EVPL: variants seen among roughly 807,000 people sequenced by gnomAD.
EVPL encodes the protein 210 kDa cornified envelope precursor protein.
Under a neutral mutation model 129.7 loss-of-function variants are expected in EVPL, and 94 were observed. That is an observed-to-expected ratio of 0.72 (90% CI 0.61 to 0.86). The LOEUF (loss-of-function observed/expected upper bound fraction) is 0.86. EVPL is among the 40% of genes least tolerant of loss of function. The pLI, the probability that EVPL is intolerant of heterozygous loss-of-function variation, is 0.00. For synonymous variants in EVPL, 1,172 were observed against 1,191.1 expected, an observed-to-expected ratio of 0.98 and a Z score of 0.33; for missense variants, 2,625 against 2,721.1, an observed-to-expected ratio of 0.96 and a Z score of 0.79.
In EVPL at chr17:76,019,017, T is replaced by C; in HGVS notation, c.1181A>G (p.Asp394Gly). ...RLAVTERATG[D>G]LQRRSRDVAP... ...CACATCCCGGCTTCGCCGCTGCAGG[T>C]CCCCAGTGGCCCTCTCGGTGACGGC... is the stretch of plus-strand genomic sequence containing the variant. The change falls in exon 11 of 22, where the codon GAC becomes GGC. Residue 394 changes from aspartate (D) to glycine (G), a missense_variant. By Grantham distance (94) the Asp-to-Gly change is moderately conservative (BLOSUM62 -1). Coordinates refer to ENST00000301607, the MANE Select transcript of EVPL (RefSeq NM_001988.4). The C allele has an allele frequency of 6.4e-7, 1 of 1,571,828 alleles. No homozygotes were observed. Among genetic ancestry groups the C allele is most frequent in the East Asian group, 2.4e-5 (1 of 42,422 alleles).
rs1372962798 is a variant in EVPL at position 76,012,029 on chromosome 17, G to A, written c.2434C>T (p.Gln812Ter). The A allele has an allele frequency of 1.2e-6, 2 of 1,612,824 alleles. No individual in the cohort carries two copies. Among genetic ancestry groups the A allele is most frequent in the Non-Finnish European group, 1.7e-6 (2 of 1,179,696 alleles). Residue 812 changes from glutamine (Q) to a stop codon, truncating the protein, a stop_gained, in exon 19 of 22, where the codon CAG (glutamine) becomes TAG (stop). Coordinates refer to ENST00000301607, the MANE Select transcript of EVPL (RefSeq NM_001988.4). LOFTEE classifies it high-confidence loss of function. ...RDRATASHLS[Q>*]ALQAALQDYE... The stretch of plus-strand genomic sequence containing the variant: ...ACCTGGAGCGCTGCCTGCAGGGCCT[G>A]GGAGAGGTGGGATGCTGTGGCCCTG...
rs775091802 is a variant in EVPL at position 76,015,235 on chromosome 17, C to T, written c.2020G>A (p.Glu674Lys). 3 of 1,594,174 alleles carry T rather than the reference C, an allele frequency of 1.9e-6. No homozygotes were observed. The highest frequency in any genetic ancestry group is 2.2e-5 in the East Asian group (1 of 44,616). Residue 674 changes from glutamate to lysine, a missense_variant, in exon 16 of 22, where the codon GAG (glutamate) becomes AAG (lysine). Physicochemically the swap from Glu to Lys is moderately conservative, Grantham distance 56. Transcript: ENST00000301607. ...CCCGGCTGGTCCCTTACCTGCAGCT[C>T]GCTGACCCTCTCCTGCAGAGCCCCC... ...EPGALQERVSELQRQRRELLE... is the reference protein window; with the variant it reads ...EPGALQERVSKLQRQRRELLE...
chr17:76,021,996 G>T lies in EVPL; in HGVS notation c.678C>A (p.Gly226=), dbSNP rs2066464109. The T allele has an allele frequency of 4.5e-6, 7 of 1,565,490 alleles. No individual in the cohort carries two copies. The highest frequency in any genetic ancestry group is 1.2e-5 in the South Asian group (1 of 86,888). ...KAASWRGQSL[G]SLYTHLQGCT... ...AGCCCTGGAGGTGCGTGTACAGGCT[G>T]CCCAGGCTCTGCCCGCGCCACGACG... The change falls in exon 7 of 22, where the codon GGC becomes GGA. Residue 226 remains glycine, a synonymous_variant. Transcript: ENST00000301607.
At chr17:76,021,596 GC>G (rs200115767) in intron 8 of EVPL, 33 bp from the exon 9 acceptor site, 10 of 1,379,512 alleles carry the variant, frequency 7.2e-6, no homozygotes, top group African/African-American at 3.4e-5. Context: ...CTCGGACCAC[GC>G]CCCCCCCACG....
Position 76,007,237 on chromosome 17 carries a change from GT to G in EVPL, c.5967del (p.Glu1989AspfsTer3). ...EKDLTDPISKERLSYKEAMGR... is the reference protein window; with the variant it reads ...EKDLTDPISKXRLSYKEAMGR... Reference sequence around the variant, plus strand: ...CCCATGGCCTCCTTGTAGCTCAGCCGTTCCTTGGAGATGGGGTCTGTCAAAT... The same window carrying G: ...CCCATGGCCTCCTTGTAGCTCAGCCGTCCTTGGAGATGGGGTCTGTCAAAT... On this transcript the variant is annotated frameshift_variant, in exon 22 of 22. Coordinates refer to ENST00000301607, the MANE Select transcript of EVPL (RefSeq NM_001988.4). LOFTEE classifies it low-confidence loss of function (END_TRUNC). This position sits in a 1 kb window ranked among gnomAD's most constrained non-coding sequence, Gnocchi z 8.8. 1 of 1,569,862 alleles carries G rather than the reference GT, an allele frequency of 6.4e-7. No individual in the cohort carries two copies. The highest frequency in any genetic ancestry group is 8.6e-7 in the Non-Finnish European group (1 of 1,156,504).
intron 14 of EVPL, among the ~76,000 whole-genome samples, chr17:76,016,413 C>T (rs992325352): frequency 2.0e-5 from 3 of 152,202 alleles, no homozygotes; most frequent in Non-Finnish European, 1.5e-5. Context: ...GCACCAGGCA[C>T]CACCCACCGC....
intron 9 of EVPL, among the ~76,000 whole-genome samples, chr17:76,019,873 A>C (rs1382130420): frequency 6.6e-6 from 1 of 152,238 alleles, no homozygotes; most frequent in African/African-American, 2.4e-5. Context: ...AAATCAGCTA[A>C]ACCTAAACCA....
At position 76,009,719 on chromosome 17, in the gene EVPL, C is replaced by A. The variant is rs145575003; in HGVS notation, c.3486G>T (p.Glu1162Asp). 2 of 1,613,526 alleles carry A rather than the reference C, an allele frequency of 1.2e-6. No individual in the cohort carries two copies. Among genetic ancestry groups the A allele is most frequent in the African/African-American group, 2.7e-5 (2 of 74,944 alleles). The change falls in exon 22 of 22, where the codon GAG (glutamate) becomes GAT (aspartate). Residue 1162 changes from glutamate to aspartate, a missense_variant. Coordinates refer to ENST00000301607, the MANE Select transcript of EVPL (RefSeq NM_001988.4). The surrounding 1 kb of genome is among the most constrained non-coding windows in gnomAD (Gnocchi z 5.9). The stretch of plus-strand genomic sequence containing the variant: ...TGGCCAGCGTCGCGTTCTTGGTCCT[C>A]TCCTCCTCGAGGAGGCTCCTCAGCC... ...SSRLRSLLEEERTKNATLARE... is the reference protein window; with the variant it reads ...SSRLRSLLEEDRTKNATLARE...
chr17:76,022,586 C>T lies in EVPL; in HGVS notation c.481-48G>A. ...GTCCCCAAAGGACCGCGGTGGGGAG[C>T]CAGAGAACCCCACACGCCTCCCACC... On this transcript the variant is annotated intron_variant, in intron 4 of 21. Transcript: ENST00000301607. The surrounding 1 kb of genome is among the most constrained non-coding windows in gnomAD (Gnocchi z 5.6). The T allele has an allele frequency of 1.3e-6, 2 of 1,549,264 alleles. No individual in the cohort carries two copies. The highest frequency in any genetic ancestry group is 1.7e-6 in the Non-Finnish European group (2 of 1,147,840).
intron 8 of EVPL, 33 bp from the exon 9 acceptor site, chr17:76,021,596 G>GCCCCCCCCCCCCCGCC (rs200115767): frequency 8.0e-6 from 11 of 1,379,522 alleles, no homozygotes; most frequent in East Asian, 5.5e-5. Flanking sequence ...CTCGGACCAC[G>GCCCCCCCCCCCCCGCC]CCCCCCCCAC....
rs368761757 is a variant in EVPL, at chr17:76,019,585, G to A, written c.1080C>T (p.Tyr360=). 1.2e-5 allele frequency: 20 copies of A among 1,604,130 alleles called. No individual in the cohort carries two copies. Among genetic ancestry groups the A allele is most frequent in the Non-Finnish European group, 1.6e-5 (19 of 1,175,862 alleles). Reference sequence around the variant, plus strand: ...CAGGGGGGCCCCCAGGTGCAGGGCTGTACTTGGCATCCAAGTTGGAGTTGA... The same window carrying A: ...CAGGGGGGCCCCCAGGTGCAGGGCTATACTTGGCATCCAAGTTGGAGTTGA... ...AKLNSNLDAK[Y]SPAPGGPPGA... The change falls in exon 10 of 22, where the codon TAC becomes TAT. Residue 360 remains tyrosine (Y), a synonymous_variant. Transcript: ENST00000301607.
chr17:76,019,439 G>C, intron 10 of EVPL, 89 bp downstream of exon 10: 1 of 1,462,150 alleles, frequency 6.8e-7, no homozygotes, highest in East Asian at 2.5e-5. Flanking sequence ...ATAGGACTAG[G>C]TACCAAGGCA....
chr17:76,019,921 T>C (rs532258256), intron 9 of EVPL, among the ~76,000 whole-genome samples: 2 of 148,294 alleles, frequency 1.3e-5, no homozygotes, highest in African/African-American at 5.1e-5. Flanking sequence ...CCAGCTAAAC[T>C]TAAACCAGCT....
chr17:76,010,475 T>C lies in EVPL; in HGVS notation c.2730A>G (p.Ala910=). 1 of 1,613,900 alleles carries C rather than the reference T, an allele frequency of 6.2e-7. No individual in the cohort carries two copies. Among genetic ancestry groups the C allele is most frequent in the Non-Finnish European group, 8.5e-7 (1 of 1,179,908 alleles). The change falls in exon 22 of 22, where the codon GCA becomes GCG. Residue 910 remains alanine, a synonymous_variant. Coordinates refer to ENST00000301607, the MANE Select transcript of EVPL (RefSeq NM_001988.4). ...AKQGSESPAQ[A]GRESEALKAQ... ...CCTTCAGGGCCTCTGACTCTCTCCC[T>C]GCTTGGGCAGGGCTCTCGGAGCCCT...
chr17:76,022,443 A>G lies in EVPL; in HGVS notation c.576T>C (p.Tyr192=), dbSNP rs1341131721. The G allele has an allele frequency of 6.2e-7, 1 of 1,613,648 alleles. No homozygotes were observed. The highest frequency in any genetic ancestry group is 1.6e-4 in the Middle Eastern group (1 of 6,084). ...HNILQKEIDA[Y]GQQLRSLVGP... ...CCACGAGGCTCCGCAGCTGCTGCCC[A>G]TAGGCGTCGATCTCCTTCTGCAGGA... is the stretch of plus-strand genomic sequence containing the variant. Residue 192 remains tyrosine, a synonymous_variant, in exon 5 of 22, where the codon TAT becomes TAC. Transcript: ENST00000301607. The surrounding 1 kb of genome is among the most constrained non-coding windows in gnomAD (Gnocchi z 5.6).
chr17:76,017,909 G>A lies in EVPL; in HGVS notation c.1540C>T (p.Pro514Ser), dbSNP rs150800577. The A allele has an allele frequency of 1.2e-6, 2 of 1,614,036 alleles. No homozygotes were observed. The highest frequency in any genetic ancestry group is 1.7e-5 in the Admixed American group (1 of 60,032). Residue 514 changes from proline (P) to serine (S), a missense_variant and splice_region_variant, in exon 14 of 22, where the codon CCA (proline) becomes TCA (serine). Physicochemically the swap from Pro to Ser is moderately conservative, Grantham distance 74. Coordinates refer to ENST00000301607, the MANE Select transcript of EVPL (RefSeq NM_001988.4). ...VESLRPSQQA[P>S]SGSDLANPQA... ...GGGTTGGCCAGGTCTGAGCCAGATG[G>A]AGCTGGGGGCAGAGGTGCTGGTGAG...
chr17:76,011,683 G>A lies in EVPL; in HGVS notation c.2569-15C>T. 3 of 1,613,566 alleles carry A rather than the reference G, an allele frequency of 1.9e-6. No individual in the cohort carries two copies. Among genetic ancestry groups the A allele is most frequent in the Non-Finnish European group, 2.5e-6 (3 of 1,179,484 alleles). On this transcript the variant is annotated splice_polypyrimidine_tract_variant and intron_variant, in intron 20 of 21. Transcript: ENST00000301607. ...AGGTTCTTCTCCTGGAGAAGGCAGAGGGAGAGGGGAAGGGCAGAGTCAGCT... is the reference window on the plus strand; with the variant it reads ...AGGTTCTTCTCCTGGAGAAGGCAGAAGGAGAGGGGAAGGGCAGAGTCAGCT...
In EVPL at chr17:76,011,611, G is replaced by A. The variant is rs772719122; in HGVS notation, c.2626C>T (p.Gln876Ter). 6.2e-7 allele frequency: 1 copy of A among 1,614,116 alleles called. No homozygotes were observed. Among genetic ancestry groups the A allele is most frequent in the South Asian group, 1.1e-5 (1 of 91,082 alleles). Reference sequence around the variant, plus strand: ...ATTTTTCTAGCAAACTCCAGCTGCTGGAGCAGCTGCTGCTGTGCTGCTGCA... The same window carrying A: ...ATTTTTCTAGCAAACTCCAGCTGCTAGAGCAGCTGCTGCTGTGCTGCTGCA... ...EVAAAQQQLLQQLEFARKMLE... is the reference protein window; with the variant it reads ...EVAAAQQQLL The change falls in exon 21 of 22, where the codon CAG (glutamine) becomes TAG (stop). Residue 876 changes from glutamine to a stop codon, truncating the protein, a stop_gained. Transcript: ENST00000301607. LOFTEE classifies it low-confidence loss of function (END_TRUNC).
chr17:76,008,737 T>C lies in EVPL; in HGVS notation c.4468A>G (p.Thr1490Ala). The C allele has an allele frequency of 6.2e-7, 1 of 1,614,090 alleles. No individual in the cohort carries two copies. The highest frequency in any genetic ancestry group is 8.5e-7 in the Non-Finnish European group (1 of 1,180,036). ...ALRWDLDQEK[T>A]QVTELNRECK... Reference sequence around the variant, plus strand: ...TCCCGATTCAGCTCGGTTACCTGGGTCTTCTCCTGGTCCAGGTCCCACCGC... The same window carrying C: ...TCCCGATTCAGCTCGGTTACCTGGGCCTTCTCCTGGTCCAGGTCCCACCGC... Residue 1490 changes from threonine (T) to alanine (A), a missense_variant, in exon 22 of 22, where the codon ACC becomes GCC. Thr to Ala is a moderately conservative substitution (Grantham distance 58). Around this residue, in one of 4 missense-constraint regions of EVPL, gnomAD observed 1,453 missense variants for 1,511.8 expected, o/e 0.96. Coordinates refer to ENST00000301607, the MANE Select transcript of EVPL (RefSeq NM_001988.4). This position sits in a 1 kb window ranked among gnomAD's most constrained non-coding sequence, Gnocchi z 7.4.
Sources: allele counts gnomAD v4.1 joint callset (sites outside exome capture counted in the v4.1 genomes callset), GRCh38; gene constraint gnomAD v4.1.1; regional missense constraint gnomAD v4.1.1; non-coding constraint Gnocchi (gnomAD v3.1); transcripts MANE v1.5; gene names NCBI Gene and HGNC (gene_info 2026-07-23, HGNC 2026-07-21).